ZMYM4: variants seen among roughly 807,000 people sequenced by gnomAD.
ZMYM4 encodes zinc finger MYM-type containing 4.
ZMYM4 carries 31 observed loss-of-function variants against 183.2 expected under a neutral mutation model. That is an observed-to-expected ratio of 0.17 (90% CI 0.13 to 0.23). The LOEUF (loss-of-function observed/expected upper bound fraction) is 0.23, where lower values mean the gene tolerates loss of function less well. ZMYM4 is among the 10% of genes least tolerant of loss of function. ZMYM4 has a pLI of 1.00. For synonymous variants in ZMYM4, 592 were observed against 631.2 expected (o/e 0.94, Z 0.93); for missense variants, 1,273 against 1,840.3 (o/e 0.69, Z 5.64).
chr1:35,308,726 T>A (rs1365388707), intron 1 of ZMYM4, among the ~76,000 whole-genome samples: 1 of 152,120 alleles, frequency 6.6e-6, no homozygotes, highest in Non-Finnish European at 1.5e-5. Flanking sequence ...CTGGGCATGG[T>A]GGCGCATGCC....
At chr1:35,344,430 A>C (rs1031606696) in intron 2 of ZMYM4, among the ~76,000 whole-genome samples, 2 of 151,874 alleles carry the variant, frequency 1.3e-5, no homozygotes, top group African/African-American at 4.8e-5. Flanking sequence ...ACTTAGGGGG[A>C]AAGTATTCAG....
intron 1 of ZMYM4, among the ~76,000 whole-genome samples, chr1:35,323,378 T>C (rs1301969555): frequency 9.9e-5 from 15 of 152,144 alleles, no homozygotes; most frequent in African/African-American, 3.6e-4. Flanking sequence ...TAGAGAGTCA[T>C]GAGAAATATT....
chr1:35,341,539 A>G (rs1321516045), intron 2 of ZMYM4, among the ~76,000 whole-genome samples: 1 of 151,286 alleles, frequency 6.6e-6, no homozygotes, highest in Non-Finnish European at 1.5e-5. Context: ...AACTTTTTTC[A>G]TTTCTAGATT....
rs1643888497 is a variant in ZMYM4 at position 35,359,225 on chromosome 1, A to G, written c.386A>G (p.Gln129Arg). The change falls in exon 3 of 30, where the codon CAA (glutamine) becomes CGA (arginine). Residue 129 changes from glutamine (Q) to arginine (R), a missense_variant. Transcript: ENST00000314607. ...QHESDNENEI[Q>R]IQNKLKKDFP... ...GAATCAGACAATGAAAATGAAATAC[A>G]AATTCAAAATAAGTTAAAAAAAGAC... 1 of 1,610,384 alleles carries G rather than the reference A, an allele frequency of 6.2e-7. No individual in the cohort carries two copies. The highest frequency in any genetic ancestry group is 1.3e-5 in the African/African-American group (1 of 74,634).
chr1:35,327,787 G>C (rs538836923), intron 2 of ZMYM4, among the ~76,000 whole-genome samples: 1 of 152,220 alleles, frequency 6.6e-6, no homozygotes, highest in African/African-American at 2.4e-5. Flanking sequence ...CTGCCAGAAA[G>C]CAGTTATATT....
intron 9 of ZMYM4, 59 bp downstream of exon 9, chr1:35,381,817 G>C (rs1218507991): frequency 5.1e-6 from 8 of 1,574,792 alleles, no homozygotes; most frequent in African/African-American, 2.7e-5. Context: ...TGTATTTTTA[G>C]TCAGAATTAT....
At chr1:35,301,344 C>G (rs748464000) in intron 1 of ZMYM4, among the ~76,000 whole-genome samples, 2 of 152,032 alleles carry the variant, frequency 1.3e-5, no homozygotes, top group Non-Finnish European at 2.9e-5. Flanking sequence ...GTCAGGAGTT[C>G]AAGACCAGCC....
At chr1:35,301,028 T>A (rs1641253871) in intron 1 of ZMYM4, among the ~76,000 whole-genome samples, 1 of 152,190 alleles carries the variant, frequency 6.6e-6, no homozygotes, top group South Asian at 2.1e-4. Flanking sequence ...CAAGCTTTGT[T>A]CTGGGATACA....
chr1:35,352,853 A>G (rs773000093), intron 2 of ZMYM4, among the ~76,000 whole-genome samples: 13 of 152,068 alleles, frequency 8.5e-5, no homozygotes, highest in Non-Finnish European at 1.8e-4. Context: ...TCACTGGGTG[A>G]TCTTACCTAG....
Position 35,392,313 on chromosome 1 carries a change from G to A in ZMYM4, c.2689G>A (p.Ala897Thr). Reference protein sequence around the residue: ...ANVVSLASAPAAQPTVNSNSV... With the variant: ...ANVVSLASAPTAQPTVNSNSV... ...TGTAGTATCATTGGCAAGTGCCCCT[G>A]CTGCTCAGCCTACAGTGAATTCTAA... Residue 897 changes from alanine to threonine, a missense_variant, in exon 16 of 30, where the codon GCT becomes ACT. This residue lies in a region of ZMYM4 where 290 missense variants were observed against 353.3 expected (regional missense o/e 0.82). Coordinates refer to ENST00000314607, the MANE Select transcript of ZMYM4 (RefSeq NM_005095.3). 6.2e-7 allele frequency: 1 copy of A among 1,614,182 alleles called. No homozygotes were observed. The highest frequency in any genetic ancestry group is 8.5e-7 in the Non-Finnish European group (1 of 1,180,026).
chr1:35,344,553 ATGAG>A (rs1643323905), intron 2 of ZMYM4, among the ~76,000 whole-genome samples: 1 of 151,982 alleles, frequency 6.6e-6, no homozygotes, highest in African/African-American at 2.4e-5. Context: ...ATTTTCATGA[ATGAG>A]TATTAAATTT....
At chr1:35,385,883 C>G (rs890992672) in intron 10 of ZMYM4, among the ~76,000 whole-genome samples, 191 bp from the exon 11 acceptor site, 3 of 151,996 alleles carry the variant, frequency 2.0e-5, no homozygotes, top group Non-Finnish European at 4.4e-5. Flanking sequence ...AGACTTTGAC[C>G]AATTTAAATT....
chr1:35,309,560 GT>G (rs1641696914), intron 1 of ZMYM4, among the ~76,000 whole-genome samples: 1 of 152,144 alleles, frequency 6.6e-6, no homozygotes. Context: ...AAGAAACTAG[GT>G]TATCCTGTCT....
At chr1:35,350,829 A>G (rs1927651) in intron 2 of ZMYM4, 90,060 of 532,066 alleles carry the variant, frequency 0.17, 21,306 homozygotes, top group East Asian at 0.79. Flanking sequence ...GGAAACGCTT[A>G]GTGATACAGG....
rs1419080046 is a variant in ZMYM4, at chr1:35,370,066, G to A, written c.878G>A (p.Gly293Glu). 6 of 1,613,092 alleles carry A rather than the reference G, an allele frequency of 3.7e-6. No homozygotes were observed. Among genetic ancestry groups the A allele is most frequent in the Non-Finnish European group, 4.2e-6 (5 of 1,179,526 alleles). Residue 293 changes from glycine to glutamate, a missense_variant, in exon 6 of 30, where the codon GGG becomes GAG. Gly to Glu is a moderately conservative substitution (Grantham distance 98). This residue lies in a region of ZMYM4 where 384 missense variants were observed against 465.6 expected (regional missense o/e 0.82). Transcript: ENST00000314607. Reference sequence around the variant, plus strand: ...GGCCAACAGCAAAAAACTCAAGAGGGGGAACTGAAAATTAGTGCTGTGTTT... The same window carrying A: ...GGCCAACAGCAAAAAACTCAAGAGGAGGAACTGAAAATTAGTGCTGTGTTT... Reference protein sequence around the residue: ...SHGQQQKTQEGELKISAVFSV... With the variant: ...SHGQQQKTQEEELKISAVFSV...
In ZMYM4 at chr1:35,419,456, T is replaced by C. The variant is rs112701304; in HGVS notation, c.4440-14T>C. 2,265 of 1,602,056 alleles carry C rather than the reference T, an allele frequency of 1.4e-3. 16 individuals carry two copies. The African/African-American group carries it at 0.019, about 13-fold the overall frequency. On this transcript the variant is annotated splice_polypyrimidine_tract_variant and intron_variant, in intron 29 of 29. Transcript: ENST00000314607. ...ATTTTCTTTTTTCTCTTTTTTTTTT[T>C]CCCCTGTGGATAGTTCTGAAAGTGT...
At chr1:35,280,819 G>A (rs1640120720) in intron 1 of ZMYM4, among the ~76,000 whole-genome samples, 1 of 152,040 alleles carries the variant, frequency 6.6e-6, no homozygotes. Flanking sequence ...AATTCAGGAT[G>A]ATCTCATTTC....
intron 1 of ZMYM4, among the ~76,000 whole-genome samples, chr1:35,318,777 T>G (rs1187027836): frequency 1.3e-5 from 2 of 152,200 alleles, no homozygotes; most frequent in Non-Finnish European, 2.9e-5. Flanking sequence ...GTAGATTTTT[T>G]ACAAATAAAT....
intron 1 of ZMYM4, among the ~76,000 whole-genome samples, chr1:35,288,165 A>G (rs1462572727): frequency 1.3e-5 from 2 of 152,144 alleles, no homozygotes; most frequent in African/African-American, 4.8e-5. Context: ...TTCTACTGCC[A>G]CCACCTTAGT....
Sources: gnomAD v4.1 joint callset for allele counts (sites outside exome capture counted in the v4.1 genomes callset) on GRCh38, gnomAD v4.1.1 for gene constraint, gnomAD v4.1.1 regional missense constraint, MANE v1.5 for transcripts, NCBI Gene and HGNC (gene_info 2026-07-23, HGNC 2026-07-21) for gene names.